The following LUZP2 variants were observed in gnomAD, a reference collection of about 807,000 sequenced individuals.
LUZP2 encodes the protein leucine zipper protein 2.
Under a neutral mutation model 51.6 loss-of-function variants are expected in LUZP2, and 52 were observed. The ratio of observed to expected loss-of-function variants is 1.01; its 90% confidence interval spans 0.81 to 1.27. The LOEUF is 1.27. Among genes scored for constraint, LUZP2 ranks in the 50% most tolerant of loss-of-function variants. LUZP2 has a pLI of 0.00. For missense variants in LUZP2, 436 were observed against 395.4 expected, an observed-to-expected ratio of 1.10 and a Z score of -0.87; for synonymous variants, 154 against 137.3, an observed-to-expected ratio of 1.12 and a Z score of -0.85.
In LUZP2 at chr11:24,938,223, CA is replaced by C. The variant is rs1174038705; in HGVS notation, c.522+23686del. Reference sequence around the variant, plus strand: ...TTTTCAGAAATGAATTATTGGGATACATTTTTTTTCTAATAAAGTTTTTAAA... The same window carrying C: ...TTTTCAGAAATGAATTATTGGGATACTTTTTTTTCTAATAAAGTTTTTAAA... On this transcript the variant is annotated intron_variant, in intron 7 of 11. Transcript: ENST00000336930. Among the ~76,000 whole-genome samples the C allele has an allele frequency of 2.6e-3, 399 of 152,130 alleles. 1 individual carries two copies. Among genetic ancestry groups the C allele is most frequent in the African/African-American group, 8.7e-3 (363 of 41,536 alleles).
rs191687328 is a variant in LUZP2, at chr11:24,963,646, C to T, written c.523-12945C>T. ...GCGCAGTATTCGGGTGGGAGTGACC[C>T]GATTTTCCAGGTGCTGTCTGTCACC... On this transcript the variant is annotated intron_variant, in intron 7 of 11. Transcript: ENST00000336930. Among the ~76,000 whole-genome samples the T allele has an allele frequency of 3.5e-3, 533 of 152,234 alleles. 1 individual carries two copies. Among genetic ancestry groups the T allele is most frequent in the Non-Finnish European group, 5.6e-3 (382 of 68,012 alleles).
In LUZP2 at chr11:25,076,651, A is replaced by AAGGG. The variant is rs1554963747; in HGVS notation, c.859-668_859-665dup. 1.0e-4 allele frequency among the ~76,000 whole-genome samples: 13 copies of AAGGG among 128,342 alleles called. 1 individual carries two copies. The highest frequency in any genetic ancestry group is 2.8e-4 in the African/African-American group (9 of 32,466). 84.2% of individuals were successfully genotyped at this position (128,342 alleles called of 152,430 possible). A position where few individuals can be genotyped will look rare whatever the true frequency, so the allele number is the denominator to read the frequency against. On this transcript the variant is annotated intron_variant, in intron 10 of 11. Transcript: ENST00000336930. ...GGGAGGAAGGGAAAAAGAGGGAAGG[A>AAGGG]AGGGAGGGAGGGAAGGAGGGAGGGA...
At chr11:24,898,265 A>G (rs942330288) in intron 5 of LUZP2, among the ~76,000 whole-genome samples, 1 of 152,166 alleles carries the variant, frequency 6.6e-6, no homozygotes, top group South Asian at 2.1e-4. Context: ...AAATCAGGTA[A>G]GTATGTCAGA....
At chr11:24,981,031 A>G (rs1004812903) in intron 8 of LUZP2, among the ~76,000 whole-genome samples, 2 of 151,918 alleles carry the variant, frequency 1.3e-5, no homozygotes, top group Non-Finnish European at 2.9e-5. Context: ...GGTTTACATC[A>G]TATTTCATTA....
At chr11:24,714,947 C>A (rs10834444) in intron 1 of LUZP2, among the ~76,000 whole-genome samples, 50,602 of 151,826 alleles carry the variant, frequency 0.33, 9,093 homozygotes, top group Non-Finnish European at 0.41. Context: ...TCTACAGACC[C>A]CTCTGCACAC....
intron 9 of LUZP2, among the ~76,000 whole-genome samples, chr11:25,045,916 A>G (rs1215472203): frequency 6.6e-6 from 1 of 152,190 alleles, no homozygotes; most frequent in Non-Finnish European, 1.5e-5. Flanking sequence ...TGACCATTAT[A>G]ACTCATAGTA....
chr11:24,963,182 A>G (rs2133883546), intron 7 of LUZP2, among the ~76,000 whole-genome samples: 1 of 152,190 alleles, frequency 6.6e-6, no homozygotes, highest in East Asian at 1.9e-4. Flanking sequence ...ACTGGGGGGT[A>G]CCTCCCAGTT....
At chr11:24,633,956 G>GTATA (rs1448184219) in intron 1 of LUZP2, among the ~76,000 whole-genome samples, 6 of 114,678 alleles carry the variant, frequency 5.2e-5, no homozygotes, top group South Asian at 5.6e-4. Context: ...GTGTGTGTGT[G>GTATA]TGTGTGTGTA....
intron 1 of LUZP2, among the ~76,000 whole-genome samples, chr11:24,513,135 G>T (rs1026785276): frequency 6.6e-6 from 1 of 152,088 alleles, no homozygotes; most frequent in Non-Finnish European, 1.5e-5. Context: ...AAAATAGATG[G>T]TATTGATGTT....
At chr11:24,512,305 T>A (rs186321964) in intron 1 of LUZP2, among the ~76,000 whole-genome samples, 1 of 151,680 alleles carries the variant, frequency 6.6e-6, no homozygotes, top group African/African-American at 2.4e-5. Flanking sequence ...ATTTCAGATC[T>A]CAGTGAGTCT....
chr11:24,881,337 G>A (rs1852461337), intron 5 of LUZP2, among the ~76,000 whole-genome samples: 1 of 151,470 alleles, frequency 6.6e-6, no homozygotes, highest in South Asian at 2.1e-4. Flanking sequence ...AAGAGAGAGA[G>A]ACAGAACATT....
intron 1 of LUZP2, among the ~76,000 whole-genome samples, chr11:24,681,234 G>T (rs1278131231): frequency 6.6e-6 from 1 of 152,094 alleles, no homozygotes; most frequent in Non-Finnish European, 1.5e-5. Flanking sequence ...ACCCGCCTCG[G>T]CCTCCCAAAG....
chr11:24,849,755 G>A (rs556712675), intron 5 of LUZP2, among the ~76,000 whole-genome samples: 1 of 152,176 alleles, frequency 6.6e-6, no homozygotes, highest in South Asian at 2.1e-4. Context: ...GTATAAAAGC[G>A]ATCCTATTTC....
At chr11:24,676,349 G>T (rs1339330123) in intron 1 of LUZP2, among the ~76,000 whole-genome samples, 2 of 152,026 alleles carry the variant, frequency 1.3e-5, no homozygotes, top group Non-Finnish European at 2.9e-5. Flanking sequence ...TATATACACG[G>T]TTAATTGAAG....
chr11:24,711,610 C>G (rs1044704638), intron 1 of LUZP2, among the ~76,000 whole-genome samples: 1 of 152,044 alleles, frequency 6.6e-6, no homozygotes, highest in African/African-American at 2.4e-5. Context: ...AGCGTGTTTA[C>G]TTTTAAAAAT....
At chr11:24,756,955 C>T (rs180909567) in intron 4 of LUZP2, among the ~76,000 whole-genome samples, 6 of 152,150 alleles carry the variant, frequency 3.9e-5, no homozygotes, top group Admixed American at 2.6e-4. Flanking sequence ...TTACAGAACT[C>T]GAGGAAACAT....
In LUZP2 at chr11:24,930,128, G is replaced by T. The variant is rs539076784; in HGVS notation, c.522+15590G>T. On this transcript the variant is annotated intron_variant, in intron 7 of 11. Coordinates refer to ENST00000336930, the MANE Select transcript of LUZP2 (RefSeq NM_001009909.4). ...CTTAAGTTTATTTGAGTCTTTTTGT[G>T]TTGGGTGAGTCTCTTGAAGATAGTA... Among the ~76,000 whole-genome samples, 49 of 152,264 alleles carry T rather than the reference G, an allele frequency of 3.2e-4. 1 individual carries two copies. In the South Asian group the frequency reaches 9.9e-3, roughly 31 times the overall value.
At chr11:24,878,004 T>A (rs1052367817) in intron 5 of LUZP2, among the ~76,000 whole-genome samples, 1 of 152,112 alleles carries the variant, frequency 6.6e-6, no homozygotes, top group Non-Finnish European at 1.5e-5. Flanking sequence ...TATCTCTTCA[T>A]CTGTTGATGG....
intron 1 of LUZP2, among the ~76,000 whole-genome samples, chr11:24,675,674 A>C (rs1856518875): frequency 6.6e-6 from 1 of 152,060 alleles, no homozygotes; most frequent in East Asian, 1.9e-4. Context: ...CAATAAGAAA[A>C]AACAATTTCA....
Sources: allele counts gnomAD v4.1 joint callset (sites outside exome capture counted in the v4.1 genomes callset), GRCh38; gene constraint gnomAD v4.1.1; transcripts MANE v1.5; gene names NCBI Gene and HGNC (gene_info 2026-07-23, HGNC 2026-07-21).